FAM161A: variants seen among roughly 807,000 people sequenced by gnomAD.
FAM161A encodes FAM161 centrosomal protein A.
A neutral mutation model predicts 70.9 loss-of-function variants in FAM161A; 57 were observed. That is an observed-to-expected ratio of 0.80 (90% CI 0.65 to 1.00). The LOEUF is 1.00. Ranked by LOEUF, FAM161A falls within the 50% of genes least tolerant of loss-of-function variation. The pLI, the probability that FAM161A is intolerant of heterozygous loss-of-function variation, is 0.00. For missense variants in FAM161A, 880 were observed against 836.0 expected (o/e 1.05, Z -0.65); for synonymous variants, 299 against 295.7 (o/e 1.01, Z -0.12).
chr2:61,810,884 A>G, the FAM161A span, among the ~76,000 whole-genome samples: 1 of 152,134 alleles, frequency 6.6e-6, no homozygotes, highest in Admixed American at 6.6e-5. Flanking sequence ...ATCAGTATTT[A>G]TGGGAACTAT....
At chr2:61,806,919 C>T in the FAM161A span, among the ~76,000 whole-genome samples, 385 of 151,946 alleles carry the variant, frequency 2.5e-3, 5 homozygotes, top group East Asian at 0.027. Flanking sequence ...GTCTTGATCT[C>T]CTGACCTCAT....
intron 1 of FAM161A, among the ~76,000 whole-genome samples, chr2:61,850,171 C>T (rs1328308741): frequency 1.1e-4 from 17 of 151,910 alleles, no homozygotes; most frequent in East Asian, 9.7e-4. Context: ...CTGAGGCGGG[C>T]GGATCACCTG....
At chr2:61,829,644 A>G (rs1672497407) in intron 5 of FAM161A, among the ~76,000 whole-genome samples, 1 of 152,196 alleles carries the variant, frequency 6.6e-6, no homozygotes, top group African/African-American at 2.4e-5. Flanking sequence ...TGCATTACCA[A>G]CAGTATATTC....
downstream of FAM161A, among the ~76,000 whole-genome samples, chr2:61,823,076 T>TA (rs202187928): frequency 5.0e-3 from 754 of 150,874 alleles, 3 homozygotes; most frequent in African/African-American, 0.018. Context: ...GGCTCATGCC[T>TA]GTAATCCCAG....
chr2:61,852,752 A>G (rs1411847014), intron 1 of FAM161A, among the ~76,000 whole-genome samples: 1 of 152,118 alleles, frequency 6.6e-6, no homozygotes, highest in Non-Finnish European at 1.5e-5. Flanking sequence ...GATTGGTCAC[A>G]AAAGGTGTTG....
chr2:61,818,216 C>T, the FAM161A span, among the ~76,000 whole-genome samples: 6 of 151,956 alleles, frequency 3.9e-5, no homozygotes, highest in Non-Finnish European at 5.9e-5. Context: ...CCACCACGCC[C>T]GGCTAATTTT....
intron 1 of FAM161A, among the ~76,000 whole-genome samples, chr2:61,846,003 C>T (rs181480534): frequency 2.8e-5 from 4 of 145,430 alleles, no homozygotes; most frequent in African/African-American, 1.0e-4. Flanking sequence ...GCAGGAGAAT[C>T]GCTTGAACCT....
chr2:61,853,960 C>T lies in FAM161A; in HGVS notation c.82G>A (p.Ala28Thr), dbSNP rs550422472. 24 of 1,613,904 alleles carry T rather than the reference C, an allele frequency of 1.5e-5. No homozygotes were observed. The South Asian group carries it at 2.5e-4, about 17-fold the overall frequency. ...PVNPITGARV[A>T]QYEREDPLKA... Reference sequence around the variant, plus strand: ...AAGGGGTCTTCGCGTTCGTACTGGGCGACCCGCGCTCCAGTGATGGGATTT... The same window carrying T: ...AAGGGGTCTTCGCGTTCGTACTGGGTGACCCGCGCTCCAGTGATGGGATTT... The change falls in exon 1 of 7, where the codon GCC (alanine) becomes ACC (threonine). Residue 28 changes from alanine to threonine, a missense_variant. Ala to Thr is a moderately conservative substitution (Grantham distance 58). Transcript: ENST00000404929.
At chr2:61,807,577 G>GCCCCC in the FAM161A span, among the ~76,000 whole-genome samples, 2 of 150,176 alleles carry the variant, frequency 1.3e-5, no homozygotes, top group African/African-American at 2.4e-5. Flanking sequence ...CAAAGTGGGG[G>GCCCCC]ACTTTGCAGA....
chr2:61,852,782 C>G (rs72819402), intron 1 of FAM161A, among the ~76,000 whole-genome samples: 50 of 152,246 alleles, frequency 3.3e-4, no homozygotes, highest in Non-Finnish European at 6.8e-4. Flanking sequence ...TTCTCATTAA[C>G]AATTTTACTG....
At chr2:61,818,381 T>G in the FAM161A span, among the ~76,000 whole-genome samples, 2 of 152,172 alleles carry the variant, frequency 1.3e-5, no homozygotes, top group African/African-American at 4.8e-5. Context: ...AAGACCATTT[T>G]CCATTAAAAG....
Position 61,843,865 on chromosome 2 carries a change from C to A in FAM161A, c.184-1505G>T, listed in dbSNP as rs557759401. 1.0e-3 allele frequency among the ~76,000 whole-genome samples: 153 copies of A among 152,074 alleles called. 1 individual carries two copies. The highest frequency in any genetic ancestry group is 3.4e-3 in the African/African-American group (140 of 41,514). On this transcript the variant is annotated intron_variant, in intron 1 of 6. Coordinates refer to ENST00000404929, the MANE Select transcript of FAM161A (RefSeq NM_001201543.2). The stretch of plus-strand genomic sequence containing the variant: ...TTTTAAAAAATCAGTCTTCAGAGGC[C>A]GGGCACGGTGGCTCACGCCTATAAT...
the FAM161A span, among the ~76,000 whole-genome samples, chr2:61,808,381 C>T: frequency 0.073 from 11,126 of 151,770 alleles, 537 homozygotes; most frequent in African/African-American, 0.11. Flanking sequence ...CAAGCAATTC[C>T]GCTGCATCTG....
downstream of FAM161A, among the ~76,000 whole-genome samples, chr2:61,824,339 G>A (rs1387064067): frequency 6.6e-6 from 1 of 151,948 alleles, no homozygotes; most frequent in Non-Finnish European, 1.5e-5. Flanking sequence ...GAAACTGTCA[G>A]TGTCTCTCTC....
rs182330974 is a variant in FAM161A at position 61,839,865 on chromosome 2, C to T, written c.1139G>A (p.Arg380Gln). 8.7e-6 allele frequency: 14 copies of T among 1,614,186 alleles called. No individual in the cohort carries two copies. Among genetic ancestry groups the T allele is most frequent in the East Asian group, 2.2e-5 (1 of 44,882 alleles). ...NDKLKEEELY[R>Q]NLRTQLRAQE... ...GGCTCTCAGCTGTGTCCTAAGGTTT[C>T]GATAGAGCTCTTCTTCTTTTAACTT... Residue 380 changes from arginine (R) to glutamine (Q), a missense_variant, in exon 3 of 7, where the codon CGA becomes CAA. Physicochemically the swap from Arg to Gln is conservative, Grantham distance 43. Transcript: ENST00000404929.
rs776174179 is a variant in FAM161A, at chr2:61,839,426, G to T, written c.1578C>A (p.Ala526=). 3 of 1,613,862 alleles carry T rather than the reference G, an allele frequency of 1.9e-6. No individual in the cohort carries two copies. Among genetic ancestry groups the T allele is most frequent in the African/African-American group, 1.3e-5 (1 of 74,834 alleles). The part of the protein sequence containing the change: ...PTVSSRGREQ[A]VRRSLEEKKM... ...ACTGCGTCCTACTTACTTACCTTAC[G>T]GCTTGTTCTCGTCCTCTGGAAGATA... The change falls in exon 3 of 7, where the codon GCC becomes GCA. Residue 526 remains alanine (A), a synonymous_variant. Coordinates refer to ENST00000404929, the MANE Select transcript of FAM161A (RefSeq NM_001201543.2).
intron 1 of FAM161A, among the ~76,000 whole-genome samples, chr2:61,852,708 T>C (rs1030823458): frequency 1.2e-4 from 19 of 152,206 alleles, no homozygotes; most frequent in African/African-American, 4.6e-4. Context: ...TGCCTTACTC[T>C]GGATAACTTC....
At chr2:61,804,766 A>AAGAGAAAGAAAGAAAGAAAG in the FAM161A span, among the ~76,000 whole-genome samples, 5 of 49,992 alleles carry the variant, frequency 1.0e-4, no homozygotes, top group Admixed American at 1.1e-3. Flanking sequence ...AAGAAAAAGA[A>AAGAGAAAGAAAGAAAGAAAG]AGAGAAAGAA....
At chr2:61,840,844 G>GT (rs929606688) in intron 2 of FAM161A, among the ~76,000 whole-genome samples, 1 of 152,098 alleles carries the variant, frequency 6.6e-6, no homozygotes, top group South Asian at 2.1e-4. Flanking sequence ...TAGAGACAGG[G>GT]TTTTACCAAG....
Sources: allele counts gnomAD v4.1 joint callset (sites outside exome capture counted in the v4.1 genomes callset), GRCh38; gene constraint gnomAD v4.1.1; transcripts MANE v1.5; gene names NCBI Gene and HGNC (gene_info 2026-07-23, HGNC 2026-07-21).